PCDHGA3: variants seen among roughly 807,000 people sequenced by gnomAD.
The protein encoded by PCDHGA3 is protocadherin gamma-A3.
PCDHGA3 carries 40 observed loss-of-function variants against 58.5 expected under a neutral mutation model. That is an observed-to-expected ratio of 0.68 (90% CI 0.53 to 0.89). PCDHGA3 has a LOEUF of 0.89. Ranked by LOEUF, PCDHGA3 falls within the 40% of genes least tolerant of loss-of-function variation. The pLI is 0.00. For synonymous variants in PCDHGA3, 530 were observed against 525.7 expected (o/e 1.01, Z -0.11); for missense variants, 1,223 against 1,195.9 (o/e 1.02, Z -0.33).
At chr5:141,350,621 C>A in intron 1 of PCDHGA3, 1 of 1,613,982 alleles carries the variant, frequency 6.2e-7, no homozygotes, top group Non-Finnish European at 8.5e-7. Flanking sequence ...TGTTGTAATC[C>A]AAGATATTAA....
chr5:141,348,262 C>A lies in PCDHGA3; in HGVS notation c.2424+1805C>A, dbSNP rs566498840. Among the ~76,000 whole-genome samples, 17 of 152,256 alleles carry A rather than the reference C, an allele frequency of 1.1e-4. No homozygotes were observed. The South Asian group carries it at 2.3e-3, about 20-fold the overall frequency. ...TGTATGAGACAACAGGGCCAGAACA[C>A]AAAAGCTGTAAGCAGAGTAAGGTGT... On this transcript the variant is annotated intron_variant, in intron 1 of 3. Transcript: ENST00000253812.
chr5:141,362,383 T>C (rs781696906), intron 1 of PCDHGA3: 4 of 1,614,050 alleles, frequency 2.5e-6, no homozygotes, highest in Non-Finnish European at 2.5e-6. Context: ...TACATTGCCC[T>C]ATTCCTACAA....
At chr5:141,388,827 A>T (rs376001893) in intron 1 of PCDHGA3, 4 of 1,614,024 alleles carry the variant, frequency 2.5e-6, no homozygotes, top group Non-Finnish European at 2.5e-6. Flanking sequence ...AGAATATTCC[A>T]TAGTTTTGGA....
intron 1 of PCDHGA3, chr5:141,351,819 A>G: frequency 6.2e-7 from 1 of 1,613,244 alleles, no homozygotes; most frequent in Non-Finnish European, 8.5e-7. Context: ...GACCACGAGC[A>G]GCTGCGCGCC....
intron 1 of PCDHGA3, among the ~76,000 whole-genome samples, chr5:141,492,586 G>C (rs1451055991): frequency 6.6e-6 from 1 of 152,220 alleles, no homozygotes; most frequent in Admixed American, 6.5e-5. Context: ...GGGGCCAGGA[G>C]CGCTGGAGCG....
At chr5:141,361,758 G>A (rs1388339327) in intron 1 of PCDHGA3, 4 of 1,612,942 alleles carry the variant, frequency 2.5e-6, no homozygotes, top group Non-Finnish European at 3.4e-6. Flanking sequence ...GCTCGCCCGC[G>A]CTCAGCGCCA....
Position 141,446,243 on chromosome 5 carries a change from C to T in PCDHGA3, c.2425-48564C>T, listed in dbSNP as rs552551215. Among the ~76,000 whole-genome samples, 23 of 152,096 alleles carry T rather than the reference C, an allele frequency of 1.5e-4. 1 individual carries two copies. The South Asian group carries it at 4.6e-3, about 30-fold the overall frequency. On this transcript the variant is annotated intron_variant, in intron 1 of 3. Coordinates refer to ENST00000253812, the MANE Select transcript of PCDHGA3 (RefSeq NM_018916.4). ...TTGTGTTGCCTGGCAAGTGGTAGAT[C>T]TTCAGTGAAATATTATTAACTGAAT...
chr5:141,353,265 C>G (rs1307972871), intron 1 of PCDHGA3, among the ~76,000 whole-genome samples: 1 of 152,154 alleles, frequency 6.6e-6, no homozygotes, highest in Non-Finnish European at 1.5e-5. Context: ...ATATGCAATA[C>G]TATATTTTCA....
intron 1 of PCDHGA3, among the ~76,000 whole-genome samples, chr5:141,425,111 A>G (rs2096857405): frequency 6.6e-6 from 1 of 152,144 alleles, no homozygotes; most frequent in Admixed American, 6.5e-5. Context: ...AGATGCCTAC[A>G]TTTTTCTTGA....
chr5:141,377,575 G>C (rs2150112851), intron 1 of PCDHGA3: 1 of 150,404 alleles, frequency 6.6e-6, no homozygotes, highest in African/African-American at 2.4e-5. Context: ...TAGCCTGGGA[G>C]ACAGAATGAG....
chr5:141,388,415 T>C, intron 1 of PCDHGA3: 2 of 1,613,894 alleles, frequency 1.2e-6, no homozygotes, highest in Non-Finnish European at 1.7e-6. Flanking sequence ...CCAGTGATCA[T>C]TTCTCACTGA....
chr5:141,388,662 A>T, intron 1 of PCDHGA3: 1 of 1,613,954 alleles, frequency 6.2e-7, no homozygotes, highest in Non-Finnish European at 8.5e-7. Flanking sequence ...CCCGGGGACC[A>T]CGGTGCTACA....
intron 1 of PCDHGA3, chr5:141,421,734 G>T: frequency 6.2e-7 from 1 of 1,613,948 alleles, no homozygotes; most frequent in Non-Finnish European, 8.5e-7. Flanking sequence ...ACTCCCTCCA[G>T]AGCTACCAGC....
intron 1 of PCDHGA3, chr5:141,422,932 C>G: frequency 6.2e-7 from 1 of 1,614,252 alleles, no homozygotes; most frequent in Non-Finnish European, 8.5e-7. Context: ...CCCTGCCCTC[C>G]CCACAGACGG....
intron 1 of PCDHGA3, chr5:141,408,042 C>T (rs2095031452): frequency 1.7e-6 from 2 of 1,204,046 alleles, no homozygotes; most frequent in Non-Finnish European, 2.2e-6. Flanking sequence ...AACCAGCTCC[C>T]ACACAGAGCC....
At chr5:141,366,724 T>C (rs917379074) in intron 1 of PCDHGA3, 1 of 1,613,556 alleles carries the variant, frequency 6.2e-7, no homozygotes, top group African/African-American at 1.3e-5. Flanking sequence ...ATAAGGTAGA[T>C]GCAAACAAAG....
rs114669158 is a variant in PCDHGA3 at position 141,511,003 on chromosome 5, G to A, written c.2629G>A (p.Ala877Thr). The change falls in exon 4 of 4, where the codon GCC (alanine) becomes ACC (threonine). Residue 877 changes from alanine to threonine, a missense_variant. Physicochemically the swap from Ala to Thr is moderately conservative, Grantham distance 58 (BLOSUM62 0). Coordinates refer to ENST00000253812, the MANE Select transcript of PCDHGA3 (RefSeq NM_018916.4). Reference protein sequence around the residue: ...GGGAGTMGLSARYGPQFTLQH... With the variant: ...GGGAGTMGLSTRYGPQFTLQH... ...GGGTGCCGGCACCATGGGATTGAGCGCCCGCTACGGACCCCAGTTCACCCT... is the reference window on the plus strand; with the variant it reads ...GGGTGCCGGCACCATGGGATTGAGCACCCGCTACGGACCCCAGTTCACCCT... The A allele has an allele frequency of 1.0e-4, 163 of 1,614,148 alleles. 1 individual carries two copies. The highest frequency in any genetic ancestry group is 9.5e-5 in the Non-Finnish European group (112 of 1,180,012).
intron 1 of PCDHGA3, chr5:141,352,378 G>A (rs2149768920): frequency 6.2e-7 from 1 of 1,614,008 alleles, no homozygotes; most frequent in Non-Finnish European, 8.5e-7. Context: ...TGATTCTAGC[G>A]ATCGCCCTGC....
At chr5:141,381,986 C>T (rs1360595056) in intron 1 of PCDHGA3, among the ~76,000 whole-genome samples, 1 of 151,810 alleles carries the variant, frequency 6.6e-6, no homozygotes, top group African/African-American at 2.4e-5. Context: ...CGCGCCACCA[C>T]GCCCGGATAA....
Sources: gnomAD v4.1 joint callset for allele counts (sites outside exome capture counted in the v4.1 genomes callset) on GRCh38, gnomAD v4.1.1 for gene constraint, MANE v1.5 for transcripts, NCBI Gene and HGNC (gene_info 2026-07-23, HGNC 2026-07-21) for gene names.